The following PPFIBP1 variants were observed in gnomAD, a reference collection of about 807,000 sequenced individuals.
The protein encoded by PPFIBP1 is liprin-beta-1.
Under a neutral mutation model 137.8 loss-of-function variants are expected in PPFIBP1, and 112 were observed. That is an observed-to-expected ratio of 0.81 (90% confidence interval 0.70 to 0.95). The LOEUF (loss-of-function observed/expected upper bound fraction) is 0.95. Ranked by LOEUF, PPFIBP1 falls within the 40% of genes least tolerant of loss-of-function variation. PPFIBP1 has a pLI of 0.00. For missense variants in PPFIBP1, 1,083 were observed against 1,196.6 expected (o/e 0.91, Z 1.40); for synonymous variants, 378 against 417.3 (o/e 0.91, Z 1.15).
intron 1 of PPFIBP1, among the ~76,000 whole-genome samples, chr12:27,566,266 T>A (rs1180544969): frequency 6.6e-6 from 1 of 152,086 alleles, no homozygotes; most frequent in Non-Finnish European, 1.5e-5. Flanking sequence ...TTTTGCCACA[T>A]GCTAGGTTTG....
chr12:27,687,745 T>C (rs1487132036), intron 25 of PPFIBP1, among the ~76,000 whole-genome samples: 2 of 152,208 alleles, frequency 1.3e-5, no homozygotes, highest in Non-Finnish European at 2.9e-5. Context: ...GGGTGTATTT[T>C]TTTTTCCTGA....
At chr12:27,662,124 C>T (rs1352350026) in intron 11 of PPFIBP1, among the ~76,000 whole-genome samples, 1 of 152,190 alleles carries the variant, frequency 6.6e-6, no homozygotes, top group African/African-American at 2.4e-5. Flanking sequence ...ATTCAGAAGA[C>T]TTCAAAGAGG....
chr12:27,582,023 G>A (rs763927774), intron 2 of PPFIBP1, among the ~76,000 whole-genome samples: 1 of 151,674 alleles, frequency 6.6e-6, no homozygotes, highest in Non-Finnish European at 1.5e-5. Context: ...GCTGTTAGAA[G>A]CTATTTGCTC....
chr12:27,545,290 G>C (rs552696543), intron 1 of PPFIBP1, among the ~76,000 whole-genome samples: 23 of 152,248 alleles, frequency 1.5e-4, no homozygotes, highest in African/African-American at 5.3e-4. Flanking sequence ...TGTAGATGAC[G>C]GGTTGATGGG....
chr12:27,637,641 C>T (rs2057779166), intron 4 of PPFIBP1, among the ~76,000 whole-genome samples: 1 of 151,944 alleles, frequency 6.6e-6, no homozygotes, highest in South Asian at 2.1e-4. Context: ...CAGAGAATGA[C>T]AGGATGAAAG....
Position 27,682,676 on chromosome 12 carries a change from T to C in PPFIBP1, c.2220T>C (p.Asp740=), listed in dbSNP as rs2060945950. Residue 740 remains aspartate, a synonymous_variant, in exon 24 of 30, where the codon GAT becomes GAC. Transcript: ENST00000228425. ...YKTQFDEGRV[D]GRMLHYMTVD... is the part of the protein sequence containing the mutation. Reference sequence around the variant, plus strand: ...CCCAGTTTGATGAAGGACGGGTTGATGGTCGAATGCTACATTACATGACTG... The same window carrying C: ...CCCAGTTTGATGAAGGACGGGTTGACGGTCGAATGCTACATTACATGACTG... The C allele has an allele frequency of 2.5e-6, 4 of 1,614,168 alleles. No individual in the cohort carries two copies. The South Asian group carries it at 3.3e-5, about 13-fold the overall frequency.
intron 2 of PPFIBP1, among the ~76,000 whole-genome samples, chr12:27,624,324 A>G (rs1253965997): frequency 6.6e-6 from 1 of 152,254 alleles, no homozygotes; most frequent in East Asian, 1.9e-4. Context: ...TGTAGTCATA[A>G]CAATAGCTAG....
intron 1 of PPFIBP1, among the ~76,000 whole-genome samples, chr12:27,531,260 A>G (rs1944383387): frequency 6.6e-6 from 1 of 152,096 alleles, no homozygotes; most frequent in Non-Finnish European, 1.5e-5. Flanking sequence ...TATATGTGCC[A>G]TAGCATTTTT....
intron 12 of PPFIBP1, among the ~76,000 whole-genome samples, chr12:27,666,295 A>G (rs943072052): frequency 1.3e-5 from 2 of 151,984 alleles, no homozygotes; most frequent in Non-Finnish European, 2.9e-5. Context: ...TCCAATAAAG[A>G]GTTGTATAAA....
intron 2 of PPFIBP1, chr12:27,584,471 C>CATGT (rs1262576008): frequency 6.6e-6 from 1 of 152,222 alleles, no homozygotes; most frequent in African/African-American, 2.4e-5. Flanking sequence ...CGCTCCTTTG[C>CATGT]ATGTGTCTGT....
At chr12:27,619,339 G>C (rs2056105693) in intron 2 of PPFIBP1, among the ~76,000 whole-genome samples, 1 of 152,064 alleles carries the variant, frequency 6.6e-6, no homozygotes, top group East Asian at 1.9e-4. Context: ...GTGTTGTTTA[G>C]GGAATAATGA....
intron 1 of PPFIBP1, among the ~76,000 whole-genome samples, chr12:27,574,621 T>A (rs963905791): frequency 6.6e-6 from 1 of 152,178 alleles, no homozygotes; most frequent in Non-Finnish European, 1.5e-5. Context: ...TATGCAGAGG[T>A]ATATTTTACT....
At chr12:27,606,410 A>G (rs1161570117) in intron 2 of PPFIBP1, among the ~76,000 whole-genome samples, 1 of 152,100 alleles carries the variant, frequency 6.6e-6, no homozygotes, top group Non-Finnish European at 1.5e-5. Flanking sequence ...AAGCTAGGAA[A>G]TTTTTTTAGC....
At chr12:27,580,078 A>G (rs1318247449) in intron 2 of PPFIBP1, among the ~76,000 whole-genome samples, 3 of 152,164 alleles carry the variant, frequency 2.0e-5, no homozygotes, top group Admixed American at 1.3e-4. Context: ...TCAGATCAAG[A>G]ACCTGGAAAA....
At chr12:27,612,111 A>G (rs915574853) in intron 2 of PPFIBP1, among the ~76,000 whole-genome samples, 2 of 152,168 alleles carry the variant, frequency 1.3e-5, no homozygotes, top group Non-Finnish European at 2.9e-5. Context: ...CTGAATGTTT[A>G]TTGCAAGAAC....
rs2061323446 is a variant in PPFIBP1 at position 27,688,389 on chromosome 12, A to G, written c.2462A>G (p.Asn821Ser). 6.2e-7 allele frequency: 1 copy of G among 1,614,188 alleles called. No homozygotes were observed. The highest frequency in any genetic ancestry group is 8.5e-7 in the Non-Finnish European group (1 of 1,180,010). ...RSVDLAEYAP[N>S]LRGSGVHGGL... is the part of the protein sequence containing the mutation. ...GTGGACTTGGCAGAATATGCGCCCA[A>G]TCTCAGAGGCAGTGGTGTCCATGGT... The change falls in exon 26 of 30, where the codon AAT (asparagine) becomes AGT (serine). Residue 821 changes from asparagine (N) to serine (S), a missense_variant. By Grantham distance (46) the Asn-to-Ser change is conservative (BLOSUM62 1). Coordinates refer to ENST00000228425, the MANE Select transcript of PPFIBP1 (RefSeq NM_003622.4).
At position 27,540,178 on chromosome 12, in the gene PPFIBP1, C is replaced by A. The variant is rs150312208; in HGVS notation, c.-124+15813C>A. Among the ~76,000 whole-genome samples, 606 of 151,764 alleles carry A rather than the reference C, an allele frequency of 4.0e-3. 1 individual carries two copies. Among genetic ancestry groups the A allele is most frequent in the Middle Eastern group, 6.8e-3 (2 of 294 alleles). ...GCCCAAGTGATCCTCCTGCCTCAGC[C>A]TCCCATGTAGTAGGATTATAGGCAT... On this transcript the variant is annotated intron_variant, in intron 1 of 29. Coordinates refer to ENST00000228425, the MANE Select transcript of PPFIBP1 (RefSeq NM_003622.4).
intron 15 of PPFIBP1, among the ~76,000 whole-genome samples, chr12:27,672,991 T>C (rs2060293902): frequency 6.6e-6 from 1 of 152,208 alleles, no homozygotes. Flanking sequence ...ACTATTATCT[T>C]TTACTTTATT....
chr12:27,647,582 G>A (rs1171602632), intron 5 of PPFIBP1, 147 bp from the exon 6 acceptor site: 2 of 533,918 alleles, frequency 3.7e-6, no homozygotes, highest in Non-Finnish European at 3.3e-6. Context: ...AGGGACCACT[G>A]TCTTCTTGGT....
Sources: allele counts gnomAD v4.1 joint callset (sites outside exome capture counted in the v4.1 genomes callset), GRCh38; gene constraint gnomAD v4.1.1; transcripts MANE v1.5; gene names NCBI Gene and HGNC (gene_info 2026-07-23, HGNC 2026-07-21).